The following MINK1 variants were observed in gnomAD, a reference collection of about 807,000 sequenced individuals.
MINK1 encodes misshapen like kinase 1, also known as misshapen-like kinase 1.
In MINK1, 46 loss-of-function variants were observed where a neutral mutation model predicts 178.4. The ratio of observed to expected loss-of-function variants is 0.26; its 90% CI spans 0.20 to 0.33. The LOEUF (loss-of-function observed/expected upper bound fraction) is 0.33. Ranked by LOEUF, MINK1 falls within the 10% of genes least tolerant of loss-of-function variation. The pLI is 1.00. For synonymous variants in MINK1, 797 were observed against 709.7 expected (o/e 1.12, Z -1.96); for missense variants, 1,366 against 1,814.9 (o/e 0.75, Z 4.49).
rs934317553 is a variant in MINK1 at position 4,885,757 on chromosome 17, A to T, written c.639+144A>T. 1.5e-5 allele frequency: 21 copies of T among 1,399,422 alleles called. No homozygotes were observed. Among genetic ancestry groups the T allele is most frequent in the Non-Finnish European group, 2.1e-5 (21 of 1,021,176 alleles). The allele number at this position is 1,399,422 out of a possible 1,614,324, so 86.7% of individuals were successfully genotyped here. ...CTGGGGAACATCTTACGGCAAGGCA[A>T]GTGTGGGTGGGAAGATGGGATGGGT... On this transcript the variant is annotated intron_variant, in intron 7 of 31. Transcript: ENST00000355280. This position sits in a 1 kb window ranked among gnomAD's most constrained non-coding sequence, Gnocchi z 5.0.
intron 1 of MINK1, among the ~76,000 whole-genome samples, chr17:4,870,836 T>C (rs1264367051): frequency 6.6e-6 from 1 of 151,038 alleles, no homozygotes; most frequent in Non-Finnish European, 1.5e-5. Context: ...AAAAACAAAC[T>C]AACAAAAATT....
intron 17 of MINK1, 64 bp downstream of exon 17, chr17:4,892,298 A>G (rs886480705): frequency 1.7e-5 from 25 of 1,503,284 alleles, no homozygotes; most frequent in African/African-American, 9.8e-5. Flanking sequence ...TAGGGGGGGC[A>G]CAGGGACTTT....
chr17:4,857,211 A>T, intron 1 of MINK1: 1 of 316,406 alleles, frequency 3.2e-6, no homozygotes. Flanking sequence ...CACTGGGATG[A>T]TGGACTTCAT....
At position 4,881,295 on chromosome 17, in the gene MINK1, A is replaced by G. The variant is rs764469555; in HGVS notation, c.306+38A>G. On this transcript the variant is annotated intron_variant, in intron 4 of 31. Coordinates refer to ENST00000355280, the MANE Select transcript of MINK1 (RefSeq NM_153827.5). ...CCCCTGCCCGCCTTCCCTCCCCGCA[A>G]TCCCTGTCTCCGGGCTGTTCACTAG... The G allele has an allele frequency of 8.5e-6, 13 of 1,531,592 alleles. No homozygotes were observed. The African/African-American group carries it at 9.6e-5, about 11-fold the overall frequency. The allele number at this position is 1,531,592 out of a possible 1,614,324, so 94.9% of individuals were successfully genotyped here.
Position 4,884,485 on chromosome 17 carries a change from G to A in MINK1, c.417+12G>A. The A allele has an allele frequency of 6.3e-7, 1 of 1,592,744 alleles. No individual in the cohort carries two copies. The highest frequency in any genetic ancestry group is 1.1e-5 in the South Asian group (1 of 90,616). On this transcript the variant is annotated intron_variant, in intron 5 of 31. Transcript: ENST00000355280. ...GGGAGATCCTCAGGGTGAGCTCAAGGCCCCTCCCCTTGTCTTCTCCTCCGC... is the reference window on the plus strand; with the variant it reads ...GGGAGATCCTCAGGGTGAGCTCAAGACCCCTCCCCTTGTCTTCTCCTCCGC...
At chr17:4,879,531 C>G (rs1734482038) in intron 2 of MINK1, among the ~76,000 whole-genome samples, 1 of 152,136 alleles carries the variant, frequency 6.6e-6, no homozygotes. Flanking sequence ...GCTCCTGCGT[C>G]TCTGGGCTTG....
In MINK1 at chr17:4,836,426, C is replaced by G. The variant is rs1909317202; in HGVS notation, c.57+2786C>G. 6.6e-6 allele frequency among the ~76,000 whole-genome samples: 1 copy of G among 152,204 alleles called. No individual in the cohort carries two copies. The highest frequency in any genetic ancestry group is 2.1e-4 in the South Asian group (1 of 4,832). On this transcript the variant is annotated intron_variant, in intron 1 of 31. Coordinates refer to ENST00000355280, the MANE Select transcript of MINK1 (RefSeq NM_153827.5). This position sits in a 1 kb window ranked among gnomAD's most constrained non-coding sequence, Gnocchi z 4.3. Reference sequence around the variant, plus strand: ...ACTTGACCTCTTTGAGGTTCCTTTTCTCCACCAGCCTGGCTGCAGCGTGGT... The same window carrying G: ...ACTTGACCTCTTTGAGGTTCCTTTTGTCCACCAGCCTGGCTGCAGCGTGGT...
In MINK1 at chr17:4,894,647, G is replaced by T. The variant is rs758988344; in HGVS notation, c.2917+14G>T. On this transcript the variant is annotated intron_variant, in intron 24 of 31. Coordinates refer to ENST00000355280, the MANE Select transcript of MINK1 (RefSeq NM_153827.5). This position sits in a 1 kb window ranked among gnomAD's most constrained non-coding sequence, Gnocchi z 4.1. ...TCCCCATCACAGGTGAGGACAGGAG[G>T]ACAGACCTGCTGTGAGGCCAGGGTC... 3.2e-6 allele frequency: 5 copies of T among 1,579,308 alleles called. No individual in the cohort carries two copies. In the South Asian group the frequency reaches 5.7e-5, roughly 18 times the overall value.
intron 1 of MINK1, among the ~76,000 whole-genome samples, chr17:4,873,617 CT>C (rs71367860): frequency 0.05 from 5,423 of 107,924 alleles, 353 homozygotes; most frequent in African/African-American, 0.17. Context: ...TTTTTCTTTT[CT>C]TTTTTTTTTT....
intron 13 of MINK1, chr17:4,890,298 C>T (rs1310939733): frequency 2.2e-6 from 3 of 1,385,880 alleles, no homozygotes; most frequent in African/African-American, 1.5e-5. Context: ...CAGGAACAGG[C>T]CCTGCTGCTG....
chr17:4,891,816 G>GGA, intron 16 of MINK1, 100 bp downstream of exon 16: 1 of 1,435,860 alleles, frequency 7.0e-7, no homozygotes, highest in African/African-American at 1.4e-5. Context: ...AGTGCAGGGC[G>GGA]GGAAGCGAGA....
At chr17:4,838,229 G>A (rs546936668) in intron 1 of MINK1, among the ~76,000 whole-genome samples, 3 of 152,306 alleles carry the variant, frequency 2.0e-5, no homozygotes, top group East Asian at 1.9e-4. Context: ...GCAAAATGAC[G>A]GAAGGAAGAT....
At chr17:4,891,318 T>C in intron 15 of MINK1, 138 bp from the exon 16 acceptor site, 1 of 1,284,130 alleles carries the variant, frequency 7.8e-7, no homozygotes, top group Non-Finnish European at 1.1e-6. Context: ...CTGACTTAGC[T>C]GTCATCAGGC....
chr17:4,891,428 G>A (rs1409561768), intron 15 of MINK1, 28 bp from the exon 16 acceptor site: 1 of 1,527,102 alleles, frequency 6.5e-7, no homozygotes. Flanking sequence ...GGAGCAGGCA[G>A]CCCACCCTCC....
Position 4,885,361 on chromosome 17 carries a change from G to A in MINK1, c.509-122G>A, listed in dbSNP as rs1452167557. On this transcript the variant is annotated intron_variant, in intron 6 of 31. Coordinates refer to ENST00000355280, the MANE Select transcript of MINK1 (RefSeq NM_153827.5). This position sits in a 1 kb window ranked among gnomAD's most constrained non-coding sequence, Gnocchi z 5.0. ...GTGGTGGGGTAAAGGAGGGTGCTGG[G>A]GTGTCTGGGTCGGGCCAGGACCACA... 3.1e-6 allele frequency: 4 copies of A among 1,306,606 alleles called. No individual in the cohort carries two copies. The highest frequency in any genetic ancestry group is 3.9e-5 in the Admixed American group (2 of 50,990). The allele number at this position is 1,306,606 out of a possible 1,614,324, so 80.9% of individuals were successfully genotyped here.
rs1487623559 is a variant in MINK1, at chr17:4,833,542, C to T, written c.-42C>T. 1 of 1,471,872 alleles carries T rather than the reference C, an allele frequency of 6.8e-7. No homozygotes were observed. The highest frequency in any genetic ancestry group is 1.3e-5 in the South Asian group (1 of 79,642). The allele number at this position is 1,471,872 out of a possible 1,614,324, so 91.2% of individuals were successfully genotyped here. On this transcript the variant is annotated 5_prime_UTR_variant, in exon 1 of 32. Coordinates refer to ENST00000355280, the MANE Select transcript of MINK1 (RefSeq NM_153827.5). The surrounding 1 kb of genome is among the most constrained non-coding windows in gnomAD (Gnocchi z 4.8). ...GACGGCGGCAGTGGAGTAACCGAGC[C>T]GGAGCGTGAGCGGCCCCGGTGCCCC...
intron 1 of MINK1, among the ~76,000 whole-genome samples, chr17:4,858,220 C>G (rs1312827773): frequency 1.3e-5 from 2 of 152,108 alleles, no homozygotes; most frequent in Non-Finnish European, 1.5e-5. Flanking sequence ...GCCTTTGCCC[C>G]CCTCTTCCTC....
At chr17:4,854,687 T>A in intron 1 of MINK1, 1 of 458,940 alleles carries the variant, frequency 2.2e-6, no homozygotes, top group Non-Finnish European at 4.4e-6. Flanking sequence ...TTCCTTCTAC[T>A]TCTAGAACTG....
rs747119214 is a variant in MINK1 at position 4,894,041 on chromosome 17, A to G, written c.2618A>G (p.Glu873Gly). The change falls in exon 22 of 32, where the codon GAG (glutamate) becomes GGG (glycine). Residue 873 changes from glutamate to glycine, a missense_variant. This residue lies in a region of MINK1 where 709 missense variants were observed against 692.3 expected (regional missense o/e 1.02). Transcript: ENST00000355280. This position sits in a 1 kb window ranked among gnomAD's most constrained non-coding sequence, Gnocchi z 4.1. ...VSTMVVHDVE[E>G]ITGTQPPYGG... is the part of the protein sequence containing the mutation. ...ACCATGGTGGTCCACGACGTCGAGGAGATCACCGGGACCCAGCCCCCATAC... is the reference window on the plus strand; with the variant it reads ...ACCATGGTGGTCCACGACGTCGAGGGGATCACCGGGACCCAGCCCCCATAC... The G allele has an allele frequency of 6.3e-6, 10 of 1,590,392 alleles. No homozygotes were observed. The highest frequency in any genetic ancestry group is 8.6e-6 in the Non-Finnish European group (10 of 1,167,626).
Sources: allele counts gnomAD v4.1 joint callset (sites outside exome capture counted in the v4.1 genomes callset), GRCh38; gene constraint gnomAD v4.1.1; regional missense constraint gnomAD v4.1.1; non-coding constraint Gnocchi (gnomAD v3.1); transcripts MANE v1.5; gene names NCBI Gene and HGNC (gene_info 2026-07-23, HGNC 2026-07-21).